EFCAB5: variants seen among roughly 807,000 people sequenced by gnomAD.
EFCAB5 encodes the protein EF-hand calcium-binding domain-containing protein 5.
Under a neutral mutation model 167.9 loss-of-function variants are expected in EFCAB5, and 131 were observed. That is an observed-to-expected ratio of 0.78 (90% CI 0.68 to 0.90). EFCAB5 has a LOEUF of 0.90. EFCAB5 is among the 40% of genes least tolerant of loss of function. The probability of loss-of-function intolerance (pLI) is 0.00; values close to 1 mark genes in which losing one functional copy is unlikely to be tolerated. For synonymous variants in EFCAB5, 574 were observed against 602.8 expected, an observed-to-expected ratio of 0.95 and a Z score of 0.70; for missense variants, 1,663 against 1,745.2, an observed-to-expected ratio of 0.95 and a Z score of 0.84.
At chr17:30,030,405 G>A (rs1211221673) in intron 7 of EFCAB5, among the ~76,000 whole-genome samples, 2 of 152,232 alleles carry the variant, frequency 1.3e-5, no homozygotes, top group African/African-American at 4.8e-5. Context: ...GTGAGATGGT[G>A]CAATCTCGGC....
chr17:29,991,789 G>T (rs2151633214), intron 4 of EFCAB5, among the ~76,000 whole-genome samples: 1 of 152,244 alleles, frequency 6.6e-6, no homozygotes, highest in South Asian at 2.1e-4. Context: ...TGATTTCTCT[G>T]TCCAGGGAAG....
At chr17:29,951,499 G>A (rs551826874) in intron 3 of EFCAB5, among the ~76,000 whole-genome samples, 16 of 144,394 alleles carry the variant, frequency 1.1e-4, no homozygotes, top group Non-Finnish European at 2.3e-4. Flanking sequence ...CACCACACCT[G>A]GCTAATTTTT....
chr17:30,078,157 C>G (rs2070905835), intron 14 of EFCAB5, 58 bp from the exon 15 acceptor site: 6 of 1,511,494 alleles, frequency 4.0e-6, no homozygotes, highest in Non-Finnish European at 5.3e-6. Flanking sequence ...AATGAAAATC[C>G]CCCCCACCAA....
chr17:30,055,298 A>G (rs1168551810), intron 10 of EFCAB5, among the ~76,000 whole-genome samples: 1 of 148,464 alleles, frequency 6.7e-6, no homozygotes, highest in Admixed American at 6.8e-5. Context: ...CCCTATCAAG[A>G]AAGAAAGAAA....
chr17:30,092,669 G>A (rs776328504), intron 21 of EFCAB5, among the ~76,000 whole-genome samples, 171 bp from the exon 22 acceptor site: 2 of 152,136 alleles, frequency 1.3e-5, no homozygotes, highest in African/African-American at 2.4e-5. Context: ...GATTACAGGC[G>A]TGAGCCACCA....
At chr17:29,943,042 AT>A (rs2067325714) in intron 2 of EFCAB5, among the ~76,000 whole-genome samples, 5 of 12,700 alleles carry the variant, frequency 3.9e-4, no homozygotes, top group East Asian at 5.6e-3. Context: ...CATCTCCAAA[AT>A]ATATATATAT....
chr17:30,094,934 T>G (rs2071268457), intron 22 of EFCAB5, among the ~76,000 whole-genome samples: 1 of 152,168 alleles, frequency 6.6e-6, no homozygotes, highest in South Asian at 2.1e-4. Flanking sequence ...CCTACTATTC[T>G]CTGTCACTTT....
At chr17:30,088,244 TC>T (rs2071127128) in intron 19 of EFCAB5, among the ~76,000 whole-genome samples, 1 of 152,120 alleles carries the variant, frequency 6.6e-6, no homozygotes, top group Admixed American at 6.5e-5. Flanking sequence ...TGCCTCTGCT[TC>T]CCAAATAGCT....
chr17:29,976,464 G>GA (rs980853133), intron 4 of EFCAB5, among the ~76,000 whole-genome samples: 25 of 152,304 alleles, frequency 1.6e-4, no homozygotes, highest in African/African-American at 5.8e-4. Context: ...TATGTCAACA[G>GA]ATGACAGTGT....
At chr17:30,088,744 C>T (rs931158824) in intron 19 of EFCAB5, among the ~76,000 whole-genome samples, 3 of 152,138 alleles carry the variant, frequency 2.0e-5, no homozygotes, top group African/African-American at 2.4e-5. Context: ...GTTGAGTAGG[C>T]GGTAACTCAG....
At chr17:29,975,671 C>A (rs2068050564) in intron 4 of EFCAB5, among the ~76,000 whole-genome samples, 1 of 152,134 alleles carries the variant, frequency 6.6e-6, no homozygotes, top group Non-Finnish European at 1.5e-5. Context: ...GCACAGATAT[C>A]CCTCTGGGAT....
chr17:30,059,058 C>T (rs1453837256), intron 13 of EFCAB5: 2 of 150,288 alleles, frequency 1.3e-5, no homozygotes, highest in Admixed American at 1.3e-4. Flanking sequence ...TTCTTCAAAG[C>T]CAGTCAAGGT....
chr17:29,978,376 C>G (rs1278708905), intron 4 of EFCAB5, among the ~76,000 whole-genome samples: 1 of 152,200 alleles, frequency 6.6e-6, no homozygotes, highest in African/African-American at 2.4e-5. Context: ...CAAACAGGTT[C>G]TACTCTTGTT....
rs145401363 is a variant in EFCAB5, at chr17:30,010,255, C to T, written c.1044+10279C>T. ...AAGTCCTTGGTATTGTGAATAGTGC[C>T]GCAATAAACATACGTGTGCATGTGT... On this transcript the variant is annotated intron_variant, in intron 7 of 22. Transcript: ENST00000394835. Among the ~76,000 whole-genome samples, 1,278 of 152,156 alleles carry T rather than the reference C, an allele frequency of 8.4e-3. 21 individuals are homozygous for T. The highest frequency in any genetic ancestry group is 0.029 in the African/African-American group (1,221 of 41,508).
chr17:29,983,987 A>G (rs1258187205), intron 4 of EFCAB5, among the ~76,000 whole-genome samples: 3 of 152,114 alleles, frequency 2.0e-5, no homozygotes, highest in Non-Finnish European at 2.9e-5. Flanking sequence ...TTTGTGTCAC[A>G]TGAGAATCTG....
intron 7 of EFCAB5, among the ~76,000 whole-genome samples, chr17:30,028,512 C>G (rs1597694029): frequency 6.6e-6 from 1 of 152,144 alleles, no homozygotes; most frequent in Non-Finnish European, 1.5e-5. Flanking sequence ...ATGAGAAAAA[C>G]TTGGGGAGAA....
At chr17:29,932,862 C>G (rs1241311468) in intron 1 of EFCAB5, among the ~76,000 whole-genome samples, 1 of 152,022 alleles carries the variant, frequency 6.6e-6, no homozygotes, top group Non-Finnish European at 1.5e-5. Flanking sequence ...GTGATAAAAT[C>G]CTGATCAAAA....
At position 30,090,566 on chromosome 17, in the gene EFCAB5, T is replaced by A. The variant is rs1385617380; in HGVS notation, c.3829T>A (p.Leu1277Met). 1 of 1,613,960 alleles carries A rather than the reference T, an allele frequency of 6.2e-7. No individual in the cohort carries two copies. The highest frequency in any genetic ancestry group is 8.5e-7 in the Non-Finnish European group (1 of 1,179,874). Residue 1277 changes from leucine (L) to methionine (M), a missense_variant, in exon 20 of 23, where the codon TTG (leucine) becomes ATG (methionine). Leu to Met is a conservative substitution (Grantham distance 15). Coordinates refer to ENST00000394835, the MANE Select transcript of EFCAB5 (RefSeq NM_198529.4). ...TAACATCGGCCAAAATAGGATGTTG[T>A]TGTGTCAAGAATATAAAGATCTACA... ...DFNIGQNRML[L>M]CQEYKDLQKM...
upstream of EFCAB5, among the ~76,000 whole-genome samples, chr17:29,938,156 C>T (rs1250752974): frequency 6.6e-6 from 1 of 151,994 alleles, no homozygotes; most frequent in African/African-American, 2.4e-5. Flanking sequence ...GGTTCCAGAC[C>T]ACTACAATAA....
Sources: gnomAD v4.1 joint callset for allele counts (sites outside exome capture counted in the v4.1 genomes callset) on GRCh38, gnomAD v4.1.1 for gene constraint, MANE v1.5 for transcripts, NCBI Gene and HGNC (gene_info 2026-07-23, HGNC 2026-07-21) for gene names.